DSCAM: variants seen among roughly 807,000 people sequenced by gnomAD.
The protein encoded by DSCAM is DS cell adhesion molecule, also known as cell adhesion molecule DSCAM.
A neutral mutation model predicts 217.7 loss-of-function variants in DSCAM; 47 were observed. The observed-to-expected ratio is 0.22, with a 90% confidence interval of 0.17 to 0.28. DSCAM has a LOEUF of 0.28. Ranked by LOEUF, DSCAM falls within the 10% of genes least tolerant of loss-of-function variation. The pLI, the probability that DSCAM is intolerant of heterozygous loss-of-function variation, is 1.00. For missense variants in DSCAM, 2,080 were observed against 2,618.3 expected (o/e 0.79, Z 4.49); for synonymous variants, 1,056 against 1,015.3 (o/e 1.04, Z -0.76).
At chr21:40,799,621 A>C (rs567587613) in intron 1 of DSCAM, among the ~76,000 whole-genome samples, 6 of 152,282 alleles carry the variant, frequency 3.9e-5, no homozygotes, top group African/African-American at 1.4e-4. Context: ...TCAGCTTGTA[A>C]AGCTTTTCCA....
intron 28 of DSCAM, among the ~76,000 whole-genome samples, chr21:40,060,364 A>G (rs1357853126): frequency 4.6e-5 from 7 of 152,242 alleles, no homozygotes; most frequent in Non-Finnish European, 7.3e-5. Flanking sequence ...GAAAAAGCAA[A>G]TCATCCTAAT....
chr21:40,726,954 C>T (rs2090962147), intron 1 of DSCAM, among the ~76,000 whole-genome samples: 1 of 152,150 alleles, frequency 6.6e-6, no homozygotes. Flanking sequence ...GCCCCCTCTT[C>T]TCTGAGTCCC....
At position 40,115,265 on chromosome 21, in the gene DSCAM, G is replaced by C. The variant is rs150920752; in HGVS notation, c.3696+8930C>G. 9.4e-3 allele frequency among the ~76,000 whole-genome samples: 1,428 copies of C among 152,138 alleles called. 23 individuals carry two copies. Among genetic ancestry groups the C allele is most frequent in the African/African-American group, 0.033 (1,371 of 41,464 alleles). On this transcript the variant is annotated intron_variant, in intron 20 of 32. Coordinates refer to ENST00000400454, the MANE Select transcript of DSCAM (RefSeq NM_001389.5). ...AAGGATGAGTTCATGTCCTTTGTAGGGACATGGAAGAAGCTGGAAACCATC... is the reference window on the plus strand; with the variant it reads ...AAGGATGAGTTCATGTCCTTTGTAGCGACATGGAAGAAGCTGGAAACCATC...
chr21:40,334,190 T>G (rs78946942), intron 8 of DSCAM, among the ~76,000 whole-genome samples: 2,176 of 152,214 alleles, frequency 0.014, 54 homozygotes, highest in African/African-American at 0.05. Flanking sequence ...ATCTATTCAC[T>G]GATGTCACCA....
chr21:40,805,723 T>TTTC (rs1569045150), intron 1 of DSCAM, among the ~76,000 whole-genome samples: 13 of 151,632 alleles, frequency 8.6e-5, no homozygotes, highest in Admixed American at 2.6e-4. Context: ...TTTTCTTTTT[T>TTTC]TTTTTAATGG....
At chr21:40,532,676 C>G (rs543356290) in intron 3 of DSCAM, among the ~76,000 whole-genome samples, 16 of 151,968 alleles carry the variant, frequency 1.1e-4, no homozygotes, top group African/African-American at 3.9e-4. Context: ...ATAAGATGGC[C>G]AAGGGCATCC....
chr21:40,520,854 G>A (rs2076353359), intron 3 of DSCAM, among the ~76,000 whole-genome samples: 1 of 152,088 alleles, frequency 6.6e-6, no homozygotes, highest in Non-Finnish European at 1.5e-5. Flanking sequence ...GTGATGTAGT[G>A]TGTATATAAG....
intron 3 of DSCAM, among the ~76,000 whole-genome samples, chr21:40,609,595 T>C (rs1353794888): frequency 2.0e-5 from 3 of 152,276 alleles, no homozygotes; most frequent in South Asian, 2.1e-4. Flanking sequence ...TAACACAAGG[T>C]AGTGATCTTT....
At chr21:40,466,587 T>C (rs555809370) in intron 3 of DSCAM, among the ~76,000 whole-genome samples, 1 of 150,326 alleles carries the variant, frequency 6.7e-6, no homozygotes, top group East Asian at 2.0e-4. Context: ...TTGAAACTGT[T>C]TGTTTGTTTT....
At chr21:40,334,820 T>C (rs1419836911) in intron 8 of DSCAM, among the ~76,000 whole-genome samples, 1 of 152,048 alleles carries the variant, frequency 6.6e-6, no homozygotes, top group Non-Finnish European at 1.5e-5. Context: ...GCTAAAAGCA[T>C]CCTTTTAAAA....
chr21:40,720,081 CAG>C (rs1318563933), intron 1 of DSCAM, among the ~76,000 whole-genome samples: 1 of 152,138 alleles, frequency 6.6e-6, no homozygotes, highest in Non-Finnish European at 1.5e-5. Context: ...TCAATTGCTT[CAG>C]AGAGGTCAGA....
chr21:40,681,012 G>C (rs1175743492), intron 3 of DSCAM, among the ~76,000 whole-genome samples: 1 of 152,174 alleles, frequency 6.6e-6, no homozygotes, highest in African/African-American at 2.4e-5. Flanking sequence ...ACAGGTGACA[G>C]TTTATCCAAT....
chr21:40,146,626 A>G (rs1442067756), intron 16 of DSCAM, among the ~76,000 whole-genome samples: 3 of 152,156 alleles, frequency 2.0e-5, no homozygotes, highest in Admixed American at 6.5e-5. Context: ...CTTGGACTCC[A>G]CTTGCTTTTC....
chr21:40,076,173 G>T (rs1601303909), intron 26 of DSCAM, among the ~76,000 whole-genome samples: 1 of 152,230 alleles, frequency 6.6e-6, no homozygotes, highest in South Asian at 2.1e-4. Flanking sequence ...GTTCCTCTGT[G>T]ATCTCTGCTA....
chr21:40,742,262 A>C (rs186845632), intron 1 of DSCAM, among the ~76,000 whole-genome samples: 2 of 152,334 alleles, frequency 1.3e-5, no homozygotes, highest in East Asian at 3.9e-4. Context: ...TATGCAGCTC[A>C]TTTCCCAATT....
intron 1 of DSCAM, among the ~76,000 whole-genome samples, chr21:40,773,953 G>A (rs1364161699): frequency 6.6e-6 from 1 of 152,208 alleles, no homozygotes; most frequent in African/African-American, 2.4e-5. Flanking sequence ...GTAGAAGCTG[G>A]GTTCAGATGC....
intron 10 of DSCAM, among the ~76,000 whole-genome samples, chr21:40,283,030 G>A (rs1399000089): frequency 6.6e-6 from 1 of 152,160 alleles, no homozygotes; most frequent in Non-Finnish European, 1.5e-5. Flanking sequence ...TCTAATTGTG[G>A]TTACTAAATG....
At chr21:40,040,606 C>G (rs76947208) in intron 32 of DSCAM, among the ~76,000 whole-genome samples, 7,590 of 152,260 alleles carry the variant, frequency 0.05, 602 homozygotes, top group African/African-American at 0.17. Context: ...AAGAGGAGGT[C>G]AGCAGTACAG....
intron 1 of DSCAM, among the ~76,000 whole-genome samples, chr21:40,790,599 T>C (rs1284079291): frequency 2.0e-5 from 3 of 152,154 alleles, no homozygotes; most frequent in African/African-American, 7.2e-5. Flanking sequence ...GTATAAATGA[T>C]TGGTTGATTG....
Sources: allele counts gnomAD v4.1 joint callset (sites outside exome capture counted in the v4.1 genomes callset), GRCh38; gene constraint gnomAD v4.1.1; transcripts MANE v1.5; gene names NCBI Gene and HGNC (gene_info 2026-07-23, HGNC 2026-07-21).